GPC6: variants seen among roughly 807,000 people sequenced by gnomAD.
GPC6 encodes glypican-6.
A neutral mutation model predicts 55.2 loss-of-function variants in GPC6; 14 were observed. That is an observed-to-expected ratio of 0.25 (90% CI 0.17 to 0.40). The LOEUF (loss-of-function observed/expected upper bound fraction) is 0.40, where lower values mean the gene tolerates loss of function less well. Ranked by LOEUF, GPC6 falls within the 10% of genes least tolerant of loss-of-function variation. The probability of loss-of-function intolerance (pLI) is 1.00; values close to 1 mark genes in which losing one functional copy is unlikely to be tolerated. For missense variants in GPC6, 641 were observed against 708.5 expected (o/e 0.90, Z 1.08); for synonymous variants, 278 against 259.6 (o/e 1.07, Z -0.68).
chr13:94,180,780 A>G (rs1888963968), intron 4 of GPC6, among the ~76,000 whole-genome samples: 1 of 152,198 alleles, frequency 6.6e-6, no homozygotes, highest in Admixed American at 6.5e-5. Context: ...GGGACAAGTC[A>G]TTAAGGTGGA....
rs554177705 is a variant in GPC6 at position 94,353,185 on chromosome 13, G to A, written c.1153-29229G>A. ...TGTGGGTCACCTTCCATCACAGAGC[G>A]CGACTTTCTTCTGCTGAACCACCCA... On this transcript the variant is annotated intron_variant, in intron 6 of 8. Transcript: ENST00000377047. Among the ~76,000 whole-genome samples, 7 of 152,212 alleles carry A rather than the reference G, an allele frequency of 4.6e-5. No individual in the cohort carries two copies. The South Asian group carries it at 6.2e-4, about 14-fold the overall frequency.
rs1014353074 is a variant in GPC6 at position 93,927,316 on chromosome 13, C to T, written c.711+96771C>T. Among the ~76,000 whole-genome samples, 3 of 152,122 alleles carry T rather than the reference C, an allele frequency of 2.0e-5. No individual in the cohort carries two copies. In the East Asian group the frequency reaches 5.8e-4, roughly 29 times the overall value. On this transcript the variant is annotated intron_variant, in intron 3 of 8. Transcript: ENST00000377047. ...TGCAAAGATAGACTATGAATAATGA[C>T]TTTGTTTTCTTCTATTTATTCATGG...
intron 5 of GPC6, among the ~76,000 whole-genome samples, chr13:94,297,741 T>A (rs1436226309): frequency 6.6e-6 from 1 of 152,120 alleles, no homozygotes; most frequent in Non-Finnish European, 1.5e-5. Context: ...TTGAGGCCAA[T>A]GAAAAGTGGA....
chr13:94,297,320 C>A (rs1875395401), intron 5 of GPC6, among the ~76,000 whole-genome samples: 1 of 152,134 alleles, frequency 6.6e-6, no homozygotes, highest in Non-Finnish European at 1.5e-5. Flanking sequence ...AATGGTAGAG[C>A]CCGTCTGATG....
intron 2 of GPC6, among the ~76,000 whole-genome samples, chr13:93,800,869 C>A (rs1886347536): frequency 6.6e-6 from 1 of 152,280 alleles, no homozygotes; most frequent in South Asian, 2.1e-4. Flanking sequence ...TGGAACATTT[C>A]TCCTATTCAT....
At chr13:93,756,061 G>A (rs1253392824) in intron 2 of GPC6, among the ~76,000 whole-genome samples, 1 of 152,050 alleles carries the variant, frequency 6.6e-6, no homozygotes, top group African/African-American at 2.4e-5. Context: ...TATTTTGTTG[G>A]CATTCTATCT....
chr13:94,058,014 A>G (rs1884188522), intron 4 of GPC6, among the ~76,000 whole-genome samples: 1 of 152,230 alleles, frequency 6.6e-6, no homozygotes, highest in Non-Finnish European at 1.5e-5. Context: ...TTTAATTTAT[A>G]TCATAAGCAT....
chr13:93,630,904 G>A (rs1368540619), intron 2 of GPC6, among the ~76,000 whole-genome samples: 18 of 152,100 alleles, frequency 1.2e-4, no homozygotes, highest in Admixed American at 4.6e-4. Flanking sequence ...TGTATTTGAA[G>A]ATAGGCCCTT....
At chr13:94,346,696 G>A (rs533170609) in intron 6 of GPC6, among the ~76,000 whole-genome samples, 65 of 150,410 alleles carry the variant, frequency 4.3e-4, no homozygotes, top group Middle Eastern at 3.4e-3. Context: ...ACTCCGGCCC[G>A]GGCAACAGAG....
chr13:94,033,410 A>C (rs1883210274), intron 4 of GPC6, among the ~76,000 whole-genome samples: 1 of 152,232 alleles, frequency 6.6e-6, no homozygotes, highest in African/African-American at 2.4e-5. Context: ...AAGAGTTGTC[A>C]ATTCTCATGG....
intron 3 of GPC6, among the ~76,000 whole-genome samples, chr13:93,960,108 C>T (rs1337828): frequency 0.7 from 107,158 of 152,062 alleles, 38,303 homozygotes; most frequent in African/African-American, 0.81. Context: ...TCTTCAACTT[C>T]GAGCAACACG....
intron 4 of GPC6, among the ~76,000 whole-genome samples, chr13:94,136,711 A>G (rs1163444454): frequency 6.6e-6 from 1 of 152,212 alleles, no homozygotes; most frequent in African/African-American, 2.4e-5. Context: ...CTCCATCTCA[A>G]AAAAAGAAAA....
intron 3 of GPC6, among the ~76,000 whole-genome samples, chr13:94,022,761 T>A (rs1882746832): frequency 6.6e-6 from 1 of 152,138 alleles, no homozygotes; most frequent in South Asian, 2.1e-4. Context: ...TGTTATCATC[T>A]GCTTTTATCC....
At chr13:93,654,878 C>A in intron 2 of GPC6, among the ~76,000 whole-genome samples, 1 of 150,562 alleles carries the variant, frequency 6.6e-6, no homozygotes, top group South Asian at 2.1e-4. Flanking sequence ...GCTTTGTGGC[C>A]CAGGCTGGAG....
intron 4 of GPC6, among the ~76,000 whole-genome samples, chr13:94,178,719 T>C (rs992669608): frequency 6.6e-6 from 1 of 152,212 alleles, no homozygotes; most frequent in Non-Finnish European, 1.5e-5. Flanking sequence ...GAGTTTCTAG[T>C]TTCCTTCCCA....
chr13:94,016,107 A>G (rs1213665778), intron 3 of GPC6, among the ~76,000 whole-genome samples: 3 of 152,148 alleles, frequency 2.0e-5, no homozygotes, highest in African/African-American at 7.2e-5. Flanking sequence ...TTTCTACTCT[A>G]GATACTTCAT....
chr13:93,442,019 A>G (rs1226565339), intron 1 of GPC6, among the ~76,000 whole-genome samples: 1 of 152,222 alleles, frequency 6.6e-6, no homozygotes, highest in African/African-American at 2.4e-5. Context: ...GATTTTAAAC[A>G]GGAAAGGATG....
intron 4 of GPC6, among the ~76,000 whole-genome samples, chr13:94,271,202 A>G (rs1205686267): frequency 2.0e-5 from 3 of 151,430 alleles, no homozygotes; most frequent in Middle Eastern, 3.4e-3. Flanking sequence ...CGTGTTAGCC[A>G]GGATGGTCTC....
intron 3 of GPC6, among the ~76,000 whole-genome samples, chr13:93,999,769 C>A (rs1274564125): frequency 2.0e-5 from 3 of 152,102 alleles, no homozygotes; most frequent in African/African-American, 7.2e-5. Context: ...TTTTTAATCA[C>A]CATAATTCCT....
Sources: allele counts gnomAD v4.1 joint callset (sites outside exome capture counted in the v4.1 genomes callset), GRCh38; gene constraint gnomAD v4.1.1; transcripts MANE v1.5; gene names NCBI Gene and HGNC (gene_info 2026-07-23, HGNC 2026-07-21).